TIMM44: variants seen among roughly 807,000 people sequenced by gnomAD.
TIMM44 encodes the protein mitochondrial import inner membrane translocase subunit TIM44.
TIMM44 carries 37 observed loss-of-function variants against 63.8 expected under a neutral mutation model. That is an observed-to-expected ratio of 0.58 (90% CI 0.45 to 0.76). The LOEUF is 0.76. TIMM44 is among the 30% of genes least tolerant of loss of function. TIMM44 has a pLI of 0.00. For missense variants in TIMM44, 573 were observed against 603.8 expected, an observed-to-expected ratio of 0.95 and a Z score of 0.54; for synonymous variants, 239 against 245.1, an observed-to-expected ratio of 0.98 and a Z score of 0.23.
At chr19:7,941,257 CAG>C (rs1158629803) in intron 1 of TIMM44, 60 bp from the exon 2 acceptor site, 6 of 1,323,512 alleles carry the variant, frequency 4.5e-6, no homozygotes, top group Non-Finnish European at 6.5e-6. Flanking sequence ...GAGAAGTAAG[CAG>C]ACCACACACA....
chr19:7,929,561 G>T (rs188492845), intron 10 of TIMM44, among the ~76,000 whole-genome samples: 5 of 152,160 alleles, frequency 3.3e-5, no homozygotes, highest in African/African-American at 1.2e-4. Flanking sequence ...CCTCTGGCCC[G>T]GGGCCAGCAC....
rs567650301 is a variant in TIMM44, at chr19:7,927,052, C to T, written c.*135G>A. On this transcript the variant is annotated 3_prime_UTR_variant, in exon 13 of 13. Transcript: ENST00000270538. ...GTTGTCCCCTCCCGGGCCAGCTGGTCTTGCAGCCGTCCTGGCAGAGCTGGG... is the reference window on the plus strand; with the variant it reads ...GTTGTCCCCTCCCGGGCCAGCTGGTTTTGCAGCCGTCCTGGCAGAGCTGGG... The T allele has an allele frequency of 8.1e-6, 11 of 1,351,234 alleles. No individual in the cohort carries two copies. Among genetic ancestry groups the T allele is most frequent in the East Asian group, 2.5e-5 (1 of 39,428 alleles). The allele number at this position is 1,351,234 out of a possible 1,614,324, so 83.7% of individuals were successfully genotyped here.
At chr19:7,928,018 G>C (rs1053269923) in intron 11 of TIMM44, 59 bp downstream of exon 11, 53 of 1,523,824 alleles carry the variant, frequency 3.5e-5, no homozygotes, top group Non-Finnish European at 4.5e-5. Flanking sequence ...CCTGGGCCTT[G>C]TCTGGGCCAT....
intron 12 of TIMM44, 164 bp from the exon 13 acceptor site, chr19:7,927,470 T>C: frequency 9.4e-7 from 1 of 1,060,092 alleles, no homozygotes; most frequent in Non-Finnish European, 1.4e-6. Context: ...TCAGCCTTGG[T>C]AAAAACAGAC....
rs114410444 is a variant in TIMM44 at position 7,935,235 on chromosome 19, G to T, written c.313-90C>A. 1.4e-3 allele frequency: 1,688 copies of T among 1,166,310 alleles called. 17 individuals are homozygous for T. The African/African-American group carries it at 0.022, about 15-fold the overall frequency. 72.2% of individuals were successfully genotyped at this position (1,166,310 alleles called of 1,614,324 possible). A position where few individuals can be genotyped will look rare whatever the true frequency, so the allele number is the denominator to read the frequency against. ...GGCTGGAGTACAGTGGCACGCTCTC[G>T]GCTCACTGCAACTTCCTCCTGCCAG... On this transcript the variant is annotated intron_variant, in intron 3 of 12. Transcript: ENST00000270538.
Position 7,933,882 on chromosome 19 carries a change from T to G in TIMM44, c.665A>C (p.Lys222Thr). ...TACCTACTCGTTTGGCTCAAACACT[T>G]TCTCCTCCTTGAACTTATCTCCCGC... ...EFAGDKFKEE[K>T]VFEPNEEALG... The change falls in exon 6 of 13, where the codon AAA becomes ACA. Residue 222 changes from lysine to threonine, a missense_variant. Physicochemically the swap from Lys to Thr is moderately conservative, Grantham distance 78 (BLOSUM62 -1). Coordinates refer to ENST00000270538, the MANE Select transcript of TIMM44 (RefSeq NM_006351.4). The surrounding 1 kb of genome is among the most constrained non-coding windows in gnomAD (Gnocchi z 4.3). The G allele has an allele frequency of 6.2e-7, 1 of 1,614,116 alleles. No individual in the cohort carries two copies.
rs1983826591 is a variant in TIMM44 at position 7,927,025 on chromosome 19, C to CCGTT, written c.*158_*161dup. 2.9e-6 allele frequency: 3 copies of CCGTT among 1,035,674 alleles called. No individual in the cohort carries two copies. The highest frequency in any genetic ancestry group is 4.2e-6 in the Non-Finnish European group (3 of 707,396). The allele number at this position is 1,035,674 out of a possible 1,614,324, so 64.2% of individuals were successfully genotyped here. A position where few individuals can be genotyped will look rare whatever the true frequency, so the allele number is the denominator to read the frequency against. The stretch of plus-strand genomic sequence containing the variant: ...CCAGCTGCCGCGCACCCGCAACAGC[C>CCGTT]CGTTGTCCCCTCCCGGGCCAGCTGG... On this transcript the variant is annotated 3_prime_UTR_variant, in exon 13 of 13. Transcript: ENST00000270538.
intron 9 of TIMM44, 46 bp downstream of exon 9, chr19:7,932,581 G>T: frequency 6.2e-7 from 1 of 1,605,134 alleles, no homozygotes; most frequent in Non-Finnish European, 8.5e-7. Flanking sequence ...AGGTGGTGGA[G>T]CCAGGACCTG....
intron 1 of TIMM44, among the ~76,000 whole-genome samples, chr19:7,942,822 G>A (rs1166731286): frequency 1.3e-5 from 2 of 150,758 alleles, no homozygotes; most frequent in Non-Finnish European, 3.0e-5. Context: ...CACCATGCCC[G>A]GCTAATTTTT....
At chr19:7,931,826 ACTTGG>A in intron 9 of TIMM44, 1 of 159,522 alleles carries the variant, frequency 6.3e-6, no homozygotes, top group Non-Finnish European at 1.4e-5. Flanking sequence ...TGGCCAGAAC[ACTTGG>A]CACCCATCAC....
At chr19:7,927,526 G>C (rs964265247) in intron 12 of TIMM44, 131 bp downstream of exon 12, 1 of 1,123,260 alleles carries the variant, frequency 8.9e-7, no homozygotes, top group South Asian at 1.2e-5. Flanking sequence ...CTCTGGCCCA[G>C]AGGTTTCTCC....
intron 1 of TIMM44, 95 bp from the exon 2 acceptor site, chr19:7,941,292 T>A: frequency 5.8e-6 from 5 of 860,482 alleles, no homozygotes; most frequent in Non-Finnish European, 7.4e-6. Flanking sequence ...CACCTGCAAC[T>A]CACTGGCCAT....
chr19:7,931,591 A>ATT (rs1238830609), intron 9 of TIMM44: 3 of 241,098 alleles, frequency 1.2e-5, no homozygotes, highest in African/African-American at 2.3e-5. Flanking sequence ...AGGGGACCAC[A>ATT]TTTCGGACTG....
In TIMM44 at chr19:7,935,103, G is replaced by T; in HGVS notation, c.355C>A (p.Arg119=). Residue 119 remains arginine (R), a synonymous_variant, in exon 4 of 13, where the codon CGG becomes AGG. Coordinates refer to ENST00000270538, the MANE Select transcript of TIMM44 (RefSeq NM_006351.4). ...SETVRTSEVL[R]KKLGELTGTV... is the part of the protein sequence containing the mutation. Reference sequence around the variant, plus strand: ...CCCGTCAGCTCCCCAAGCTTCTTCCGTAGCACCTCGCTCGTCCGCACGGTT... The same window carrying T: ...CCCGTCAGCTCCCCAAGCTTCTTCCTTAGCACCTCGCTCGTCCGCACGGTT... 6.2e-7 allele frequency: 1 copy of T among 1,613,328 alleles called. No individual in the cohort carries two copies. Among genetic ancestry groups the T allele is most frequent in the East Asian group, 2.2e-5 (1 of 44,858 alleles).
At chr19:7,941,340 T>C (rs376424776) in intron 1 of TIMM44, 143 bp from the exon 2 acceptor site, 5 of 681,636 alleles carry the variant, frequency 7.3e-6, no homozygotes, top group East Asian at 2.7e-5. Flanking sequence ...CAGGCTAGAG[T>C]GCAGTGCTGC....
rs774289428 is a variant in TIMM44, at chr19:7,933,576, G to A, written c.684-6C>T. The stretch of plus-strand genomic sequence containing the variant: ...GCACGACCCCCAGGGCCTCCCTGGG[G>A]AAGAGGGTGGGCCCTGGGGTGAGCG... On this transcript the variant is annotated splice_polypyrimidine_tract_variant and splice_region_variant and intron_variant, in intron 6 of 12. Transcript: ENST00000270538. This position sits in a 1 kb window ranked among gnomAD's most constrained non-coding sequence, Gnocchi z 4.3. 2.5e-6 allele frequency: 4 copies of A among 1,613,374 alleles called. No individual in the cohort carries two copies. In the African/African-American group the frequency reaches 5.3e-5, roughly 22 times the overall value.
rs200515886 is a variant in TIMM44, at chr19:7,928,078, T to C, written c.1127A>G (p.Asp376Gly). 6.2e-7 allele frequency: 1 copy of C among 1,613,690 alleles called. No homozygotes were observed. Among genetic ancestry groups the C allele is most frequent in the Admixed American group, 1.7e-5 (1 of 59,998 alleles). ...HSRILDIDNV[D>G]LAMGKMMEQG... ...GGGCCCCCACTGCGAGGTGCTTACG[T>C]CGACGTTGTCAATGTCTAGGATGCG... The change falls in exon 11 of 13, where the codon GAC (aspartate) becomes GGC (glycine). Residue 376 changes from aspartate to glycine, a missense_variant and splice_region_variant. Physicochemically the swap from Asp to Gly is moderately conservative, Grantham distance 94. Coordinates refer to ENST00000270538, the MANE Select transcript of TIMM44 (RefSeq NM_006351.4).
chr19:7,938,773 C>T (rs1238228897), intron 2 of TIMM44, among the ~76,000 whole-genome samples: 1 of 152,064 alleles, frequency 6.6e-6, no homozygotes, highest in Non-Finnish European at 1.5e-5. Context: ...TGCCACAGCA[C>T]TCCAGTCTGG....
chr19:7,931,271 G>A (rs1302655293), intron 9 of TIMM44, 83 bp from the exon 10 acceptor site: 4 of 1,317,264 alleles, frequency 3.0e-6, no homozygotes, highest in Admixed American at 3.4e-5. Context: ...TTCTCCAGTG[G>A]TGCGGGGTGG....
Sources: allele counts gnomAD v4.1 joint callset (sites outside exome capture counted in the v4.1 genomes callset), GRCh38; gene constraint gnomAD v4.1.1; non-coding constraint Gnocchi (gnomAD v3.1); transcripts MANE v1.5; gene names NCBI Gene and HGNC (gene_info 2026-07-23, HGNC 2026-07-21).